The following F8 variants were observed in gnomAD, a reference collection of about 807,000 sequenced individuals.
F8 encodes the protein coagulation factor VIII.
A neutral mutation model predicts 140.6 loss-of-function variants in F8; 12 were observed. The ratio of observed to expected loss-of-function variants is 0.09; its 90% CI spans 0.05 to 0.14. F8 has a LOEUF of 0.14. Among genes scored for constraint, F8 ranks in the 10% least tolerant of loss-of-function variants. The pLI, the probability that F8 is intolerant of heterozygous loss-of-function variation, is 1.00. For synonymous variants in F8, 585 were observed against 614.6 expected (o/e 0.95, Z 0.71); for missense variants, 1,354 against 1,720.7 (o/e 0.79, Z 3.77).
At chrX:154,850,083 T>TTGTGTG (rs60052978) in intron 25 of F8, among the ~76,000 whole-genome samples, 2,466 of 96,051 alleles carry the variant, frequency 0.026, 40 homozygotes, top group South Asian at 0.098. Flanking sequence ...CAGGCTTGTT[T>TTGTGTG]TGTGTGTGTG....
At position 154,904,056 on chromosome X, in the gene F8, CA is replaced by C; in HGVS notation, c.5847del (p.Gly1950AlafsTer2). 1 of 1,211,569 alleles carries C rather than the reference CA, an allele frequency of 8.3e-7. No individual in the cohort carries two copies. Among genetic ancestry groups the C allele is most frequent in the Non-Finnish European group, 1.1e-6 (1 of 895,363 alleles). ...AINGYIMDTL[P>X]GLVMAQDQRI... ...CTTTGATCCTGAGCCATTACTAAGC[CA>C]GGTAGTGTATCCATTATGTAGCCAT... is the stretch of plus-strand genomic sequence containing the variant. On this transcript the variant is annotated frameshift_variant, in exon 18 of 26. Coordinates refer to ENST00000360256, the MANE Select transcript of F8 (RefSeq NM_000132.4). LOFTEE classifies it high-confidence loss of function.
At chrX:154,904,211 A>G (rs1431225123) in intron 17 of F8, 85 bp downstream of exon 17, 13 of 1,092,973 alleles carry the variant, frequency 1.2e-5, no homozygotes, top group African/African-American at 1.8e-5. Context: ...AATAAATACA[A>G]TGTTCAAGTC....
At chrX:154,933,091 G>A (rs1226497480) in intron 13 of F8, among the ~76,000 whole-genome samples, 1 of 111,479 alleles carries the variant, frequency 9.0e-6, no homozygotes, top group Non-Finnish European at 1.9e-5. Context: ...ATTTTGTAAT[G>A]AAAATATCTT....
intron 22 of F8, among the ~76,000 whole-genome samples, chrX:154,866,752 T>C (rs1289015097): frequency 9.5e-6 from 1 of 104,792 alleles, no homozygotes; most frequent in Non-Finnish European, 2.0e-5. Context: ...AGAAGAAACA[T>C]ATGAAATAAA....
At chrX:154,926,922 T>C (rs953136187) in intron 14 of F8, among the ~76,000 whole-genome samples, 1 of 111,048 alleles carries the variant, frequency 9.0e-6, no homozygotes, top group East Asian at 2.8e-4. Flanking sequence ...AAAGAAGAAG[T>C]TGGAGAACTA....
chrX:154,870,813 A>C (rs1256947821), intron 22 of F8, among the ~76,000 whole-genome samples: 3 of 112,019 alleles, frequency 2.7e-5, no homozygotes, highest in Non-Finnish European at 5.6e-5. Context: ...ATCTCAGCCC[A>C]AAACCTCCTT....
intron 14 of F8, chrX:154,918,791 T>TC (rs1381348664): frequency 3.0e-5 from 3 of 100,775 alleles, no homozygotes; most frequent in African/African-American, 1.1e-4. Flanking sequence ...ATCATGTTTT[T>TC]TTTTTTTTTT....
At chrX:154,943,799 T>C (rs1005296464) in intron 13 of F8, among the ~76,000 whole-genome samples, 1 of 111,640 alleles carries the variant, frequency 9.0e-6, no homozygotes, top group African/African-American at 3.3e-5. Flanking sequence ...CAAAACAGCA[T>C]GGTACTGGTA....
intron 6 of F8, among the ~76,000 whole-genome samples, chrX:154,982,860 A>G (rs1557283867): frequency 1.8e-5 from 2 of 112,565 alleles, no homozygotes; most frequent in African/African-American, 6.5e-5. Context: ...CCCAAGAAGC[A>G]GAGAAAAGTA....
At chrX:154,862,595 G>A (rs1163123936) in intron 23 of F8, among the ~76,000 whole-genome samples, 1 of 110,497 alleles carries the variant, frequency 9.1e-6, no homozygotes, top group African/African-American at 3.3e-5. Flanking sequence ...TTGTGTCCAT[G>A]TGCATTTAAT....
chrX:154,906,024 GA>G (rs782546502), intron 15 of F8, among the ~76,000 whole-genome samples: 32 of 111,541 alleles, frequency 2.9e-4, no homozygotes, highest in African/African-American at 1.0e-3. Flanking sequence ...TTTTATCTTA[GA>G]AAAACTGTTG....
intron 9 of F8, among the ~76,000 whole-genome samples, chrX:154,964,857 A>G (rs1557281861): frequency 8.9e-6 from 1 of 112,126 alleles, no homozygotes; most frequent in African/African-American, 3.2e-5. Context: ...CTATATAAAG[A>G]TGAAAAATCT....
chrX:154,940,583 A>T (rs902376933), intron 13 of F8, among the ~76,000 whole-genome samples: 4 of 112,412 alleles, frequency 3.6e-5, no homozygotes, highest in South Asian at 3.7e-4. Flanking sequence ...CAAGTTGGAA[A>T]ACACTCTGCA....
intron 14 of F8, among the ~76,000 whole-genome samples, chrX:154,918,155 G>T (rs1352588329): frequency 9.0e-6 from 1 of 111,607 alleles, no homozygotes; most frequent in Non-Finnish European, 1.9e-5. Context: ...TGTAAGCCCA[G>T]ATTTGCTGCA....
Position 154,924,921 on chromosome X carries a change from C to T in F8, c.5219+3650G>A, listed in dbSNP as rs182108540. Among the ~76,000 whole-genome samples the T allele has an allele frequency of 5.9e-3, 660 of 112,172 alleles. 7 individuals carry two copies. The highest frequency in any genetic ancestry group is 0.02 in the African/African-American group (627 of 30,879). On this transcript the variant is annotated intron_variant, in intron 14 of 25. Coordinates refer to ENST00000360256, the MANE Select transcript of F8 (RefSeq NM_000132.4). Reference sequence around the variant, plus strand: ...CAAGGCACCGACTCCCTAGGCTGCACACAGCATGGGGATCCTGGGCCCAGC... The same window carrying T: ...CAAGGCACCGACTCCCTAGGCTGCATACAGCATGGGGATCCTGGGCCCAGC...
intron 13 of F8, 79 bp from the exon 14 acceptor site, chrX:154,931,755 C>G: frequency 1.1e-5 from 10 of 876,716 alleles, no homozygotes; most frequent in Non-Finnish European, 1.6e-5. Flanking sequence ...CTCTCCCATT[C>G]CCAGATAAAT....
chrX:154,977,913 T>C (rs1052355678), intron 6 of F8, among the ~76,000 whole-genome samples: 38 of 111,063 alleles, frequency 3.4e-4, no homozygotes, highest in Non-Finnish European at 5.5e-4. Flanking sequence ...GGTCACTTTA[T>C]AGTGCCTAAT....
intron 3 of F8, 82 bp downstream of exon 3, chrX:154,996,891 T>C (rs935541666): frequency 9.3e-7 from 1 of 1,069,799 alleles, no homozygotes; most frequent in Non-Finnish European, 1.3e-6. Context: ...TTAAAAGAGT[T>C]GTAACGCCAC....
At chrX:155,014,395 G>A (rs2073724095) in intron 1 of F8, among the ~76,000 whole-genome samples, 2 of 111,254 alleles carry the variant, frequency 1.8e-5, no homozygotes, top group African/African-American at 6.5e-5. Context: ...GCTATCATCA[G>A]TTCTATCTAA....
Sources: allele counts gnomAD v4.1 joint callset (sites outside exome capture counted in the v4.1 genomes callset), GRCh38; gene constraint gnomAD v4.1.1; transcripts MANE v1.5; gene names NCBI Gene and HGNC (gene_info 2026-07-23, HGNC 2026-07-21).